Variants in ANKS1B observed in about 807,000 individuals in gnomAD.
ANKS1B encodes the protein ankyrin repeat and sterile alpha motif domain-containing protein 1B.
Under a neutral mutation model 148.3 loss-of-function variants are expected in ANKS1B, and 36 were observed. That is an observed-to-expected ratio of 0.24 (90% CI 0.19 to 0.32). ANKS1B has a LOEUF of 0.32. ANKS1B is among the 10% of genes least tolerant of loss of function. The pLI is 1.00. For synonymous variants in ANKS1B, 542 were observed against 560.8 expected, an observed-to-expected ratio of 0.97 and a Z score of 0.47; for missense variants, 1,157 against 1,542.6, an observed-to-expected ratio of 0.75 and a Z score of 4.19.
chr12:99,018,961 T>C (rs2099944149), intron 17 of ANKS1B, among the ~76,000 whole-genome samples: 1 of 152,146 alleles, frequency 6.6e-6, no homozygotes, highest in Non-Finnish European at 1.5e-5. Flanking sequence ...AAAAGTATTT[T>C]TATATATGGC....
intron 17 of ANKS1B, among the ~76,000 whole-genome samples, chr12:98,967,194 A>G (rs1464379670): frequency 6.6e-6 from 1 of 152,154 alleles, no homozygotes; most frequent in Non-Finnish European, 1.5e-5. Context: ...TCTGAGTCAA[A>G]TATCAAAAAA....
intron 9 of ANKS1B, chr12:99,648,565 C>T: frequency 5.0e-6 from 8 of 1,614,134 alleles, no homozygotes; most frequent in Non-Finnish European, 5.9e-6. Flanking sequence ...AATAACCATC[C>T]ACAACAGCGT....
intron 12 of ANKS1B, among the ~76,000 whole-genome samples, chr12:99,292,852 C>G (rs1431304950): frequency 6.6e-6 from 1 of 152,172 alleles, no homozygotes; most frequent in African/African-American, 2.4e-5. Context: ...CAGGAAACAA[C>G]AGATGCTGGA....
At chr12:99,163,975 C>T (rs2076956432) in intron 14 of ANKS1B, among the ~76,000 whole-genome samples, 1 of 152,098 alleles carries the variant, frequency 6.6e-6, no homozygotes, top group Admixed American at 6.5e-5. Context: ...TGTAGTCATT[C>T]TGATAGGTAT....
intron 14 of ANKS1B, among the ~76,000 whole-genome samples, chr12:99,168,380 G>A (rs532965695): frequency 1.3e-5 from 2 of 152,002 alleles, no homozygotes; most frequent in Non-Finnish European, 2.9e-5. Context: ...TTAGCTGGGT[G>A]TGGTGGCGGG....
chr12:99,133,836 A>G (rs1212637864), intron 15 of ANKS1B, among the ~76,000 whole-genome samples: 2 of 152,160 alleles, frequency 1.3e-5, no homozygotes, highest in Non-Finnish European at 1.5e-5. Context: ...GATGATAACT[A>G]GCGCCTGAAC....
intron 17 of ANKS1B, among the ~76,000 whole-genome samples, chr12:98,905,970 G>T (rs2099778482): frequency 6.6e-6 from 1 of 152,210 alleles, no homozygotes; most frequent in Non-Finnish European, 1.5e-5. Flanking sequence ...TATACACTTT[G>T]TTGGGACCTG....
intron 11 of ANKS1B, among the ~76,000 whole-genome samples, chr12:99,431,660 A>T (rs116952117): frequency 2.0e-5 from 3 of 152,226 alleles, no homozygotes; most frequent in Non-Finnish European, 2.9e-5. Flanking sequence ...TAATCCATAG[A>T]TATTAGGACA....
intron 1 of ANKS1B, among the ~76,000 whole-genome samples, chr12:99,859,533 C>G (rs766837965): frequency 1.3e-5 from 2 of 152,232 alleles, no homozygotes; most frequent in Middle Eastern, 6.8e-3. Flanking sequence ...TCACTACAGG[C>G]TACAGTTCTC....
chr12:99,555,318 TA>T (rs1290894259), intron 9 of ANKS1B, among the ~76,000 whole-genome samples: 1 of 152,194 alleles, frequency 6.6e-6, no homozygotes, highest in East Asian at 1.9e-4. Flanking sequence ...TGAAGTTGTT[TA>T]TCAGTTCTAG....
At chr12:99,105,396 C>G (rs886831432) in intron 15 of ANKS1B, among the ~76,000 whole-genome samples, 7 of 152,132 alleles carry the variant, frequency 4.6e-5, no homozygotes, top group Admixed American at 2.6e-4. Flanking sequence ...AAAAACACGA[C>G]AACATCAGAA....
At chr12:99,364,107 T>C (rs951230490) in intron 12 of ANKS1B, among the ~76,000 whole-genome samples, 1 of 152,092 alleles carries the variant, frequency 6.6e-6, no homozygotes, top group Non-Finnish European at 1.5e-5. Flanking sequence ...GTCCAATCAG[T>C]ACCACCCTTA....
intron 17 of ANKS1B, among the ~76,000 whole-genome samples, chr12:98,941,457 G>A (rs1597308453): frequency 1.3e-5 from 2 of 152,262 alleles, no homozygotes. Flanking sequence ...GCATCACCTT[G>A]TTTGACTTCG....
chr12:98,919,438 G>A (rs1387036116), intron 17 of ANKS1B, among the ~76,000 whole-genome samples: 1 of 152,182 alleles, frequency 6.6e-6, no homozygotes, highest in Non-Finnish European at 1.5e-5. Flanking sequence ...GCCATCATTT[G>A]TGCTCTGTAT....
chr12:99,890,615 GT>G (rs2093050377), intron 1 of ANKS1B, among the ~76,000 whole-genome samples: 1 of 120,712 alleles, frequency 8.3e-6, no homozygotes, highest in Non-Finnish European at 1.8e-5. Context: ...GTGTGTGTGT[GT>G]GTGTGTGTAT....
intron 12 of ANKS1B, among the ~76,000 whole-genome samples, chr12:99,275,318 A>G (rs2077539827): frequency 6.6e-6 from 1 of 152,090 alleles, no homozygotes; most frequent in Non-Finnish European, 1.5e-5. Flanking sequence ...TACTTTTTGT[A>G]CCTATTAACC....
chr12:98,775,446 T>C (rs1352934951), intron 24 of ANKS1B, among the ~76,000 whole-genome samples: 2 of 151,428 alleles, frequency 1.3e-5, no homozygotes, highest in East Asian at 1.9e-4. Flanking sequence ...CTTCTTCTCT[T>C]TCTCTCTCTC....
chr12:99,260,263 A>G (rs1474803957), intron 12 of ANKS1B, among the ~76,000 whole-genome samples: 2 of 152,232 alleles, frequency 1.3e-5, no homozygotes, highest in African/African-American at 2.4e-5. Context: ...TTTGTAATAT[A>G]AAAGGGACAG....
chr12:99,526,404 A>G (rs535405841), intron 9 of ANKS1B, among the ~76,000 whole-genome samples: 58 of 152,308 alleles, frequency 3.8e-4, no homozygotes, highest in African/African-American at 1.4e-3. Context: ...GTAAAGCACC[A>G]TTTACAGGCA....
Sources: gnomAD v4.1 joint callset for allele counts (sites outside exome capture counted in the v4.1 genomes callset) on GRCh38, gnomAD v4.1.1 for gene constraint, MANE v1.5 for transcripts, NCBI Gene and HGNC (gene_info 2026-07-23, HGNC 2026-07-21) for gene names.